The following FGGY variants were observed in gnomAD, a reference collection of about 807,000 sequenced individuals.
The protein encoded by FGGY is FGGY carbohydrate kinase domain-containing protein.
A neutral mutation model predicts 71.3 loss-of-function variants in FGGY; 72 were observed. That is an observed-to-expected ratio of 1.01 (90% CI 0.84 to 1.23). FGGY has a LOEUF of 1.23. Among genes scored for constraint, FGGY ranks in the 50% most tolerant of loss-of-function variants. The pLI is 0.00. For missense variants in FGGY, 668 were observed against 682.3 expected (o/e 0.98, Z 0.23); for synonymous variants, 251 against 250.3 (o/e 1.00, Z -0.02).
At chr1:59,751,353 A>G (rs2098243699) in intron 14 of FGGY, among the ~76,000 whole-genome samples, 1 of 152,218 alleles carries the variant, frequency 6.6e-6, no homozygotes, top group Admixed American at 6.5e-5. Flanking sequence ...GTCAACAGAC[A>G]CCACAGTGTT....
chr1:59,555,124 A>G (rs770010267), intron 8 of FGGY, among the ~76,000 whole-genome samples: 3 of 152,196 alleles, frequency 2.0e-5, no homozygotes, highest in Admixed American at 6.5e-5. Context: ...TTACTTATCA[A>G]TCCCTGCTCT....
intron 2 of FGGY, among the ~76,000 whole-genome samples, chr1:59,323,911 G>A (rs1215739682): frequency 6.6e-6 from 1 of 152,122 alleles, no homozygotes; most frequent in Non-Finnish European, 1.5e-5. Context: ...CAAAGTCTAC[G>A]GCGGGGGAGG....
At chr1:59,341,610 A>G (rs943840474) in intron 3 of FGGY, among the ~76,000 whole-genome samples, 3 of 151,780 alleles carry the variant, frequency 2.0e-5, no homozygotes, top group African/African-American at 7.3e-5. Flanking sequence ...ATAAATCAGG[A>G]CGGTTCTTTT....
intron 4 of FGGY, among the ~76,000 whole-genome samples, chr1:59,355,519 G>A (rs932828654): frequency 1.3e-5 from 2 of 151,718 alleles, no homozygotes; most frequent in Non-Finnish European, 2.9e-5. Flanking sequence ...TAACCTTTCT[G>A]GTTGACAACA....
chr1:59,712,831 A>T (rs1382013746), intron 14 of FGGY, among the ~76,000 whole-genome samples: 2 of 152,148 alleles, frequency 1.3e-5, no homozygotes, highest in Admixed American at 6.5e-5. Flanking sequence ...CATGCCCTAG[A>T]GACATTTTCC....
At chr1:59,473,800 C>T (rs1485268854) in intron 6 of FGGY, among the ~76,000 whole-genome samples, 1 of 152,188 alleles carries the variant, frequency 6.6e-6, no homozygotes, top group East Asian at 1.9e-4. Context: ...CAGTAAATAA[C>T]ACTTGAGGGC....
At chr1:59,428,432 A>G (rs977567453) in intron 5 of FGGY, among the ~76,000 whole-genome samples, 2 of 152,168 alleles carry the variant, frequency 1.3e-5, no homozygotes, top group Non-Finnish European at 2.9e-5. Flanking sequence ...GCCACCCTAT[A>G]CTACTTCCCA....
chr1:59,481,481 A>G (rs2153567161), intron 6 of FGGY, among the ~76,000 whole-genome samples: 1 of 152,254 alleles, frequency 6.6e-6, no homozygotes. Flanking sequence ...TTCTTCAGCA[A>G]ATACTCTTCT....
At chr1:59,535,920 G>A (rs1000815466) in intron 7 of FGGY, among the ~76,000 whole-genome samples, 2 of 147,572 alleles carry the variant, frequency 1.4e-5, no homozygotes, top group African/African-American at 5.3e-5. Flanking sequence ...ACAATTAAAA[G>A]AACTAGAAAA....
intron 7 of FGGY, among the ~76,000 whole-genome samples, chr1:59,538,402 T>C (rs867527841): frequency 3.3e-5 from 5 of 152,010 alleles, no homozygotes; most frequent in Non-Finnish European, 5.9e-5. Flanking sequence ...GGTGGGACTG[T>C]AAACTAGTTG....
At chr1:59,579,332 T>G (rs1438490101) in intron 8 of FGGY, among the ~76,000 whole-genome samples, 1 of 152,124 alleles carries the variant, frequency 6.6e-6, no homozygotes, top group African/African-American at 2.4e-5. Flanking sequence ...TCATTAAGAC[T>G]CAAAGCTTTA....
In FGGY at chr1:59,757,986, A is replaced by G; in HGVS notation, c.1568A>G (p.Asp523Gly). 3 of 1,612,212 alleles carry G rather than the reference A, an allele frequency of 1.9e-6. No homozygotes were observed. Among genetic ancestry groups the G allele is most frequent in the Non-Finnish European group, 2.5e-6 (3 of 1,178,680 alleles). ...AAAGTTGTGTTCCCGAGACTACAGG[A>G]TAAAAAGTAAGTGTGTATTTTTTAT... ...VGKVVFPRLQ[D>G]KKYYDKKYQV... The change falls in exon 15 of 16, where the codon GAT (aspartate) becomes GGT (glycine). Residue 523 changes from aspartate (D) to glycine (G), a missense_variant. Asp to Gly is a moderately conservative substitution (Grantham distance 94, BLOSUM62 -1). Around this residue, in one of 2 missense-constraint regions of FGGY, gnomAD observed 661 missense variants for 661.6 expected, o/e 1.00. Transcript: ENST00000303721.
At chr1:59,429,983 G>A (rs2067050406) in intron 5 of FGGY, among the ~76,000 whole-genome samples, 1 of 152,166 alleles carries the variant, frequency 6.6e-6, no homozygotes, top group Non-Finnish European at 1.5e-5. Context: ...GCTGAAGGGA[G>A]ATTTTTCCCT....
At chr1:59,526,093 T>C (rs2153656431) in intron 7 of FGGY, among the ~76,000 whole-genome samples, 1 of 152,348 alleles carries the variant, frequency 6.6e-6, no homozygotes, top group Middle Eastern at 3.4e-3. Context: ...GTGATGTGTT[T>C]ATGTGTATGT....
chr1:59,705,015 A>G (rs1251552752), intron 14 of FGGY, among the ~76,000 whole-genome samples: 1 of 152,170 alleles, frequency 6.6e-6, no homozygotes, highest in African/African-American at 2.4e-5. Context: ...TTTCCCCATT[A>G]CTAGTAAGAA....
At chr1:59,340,370 A>G (rs1364344929) in intron 3 of FGGY, among the ~76,000 whole-genome samples, 1 of 152,214 alleles carries the variant, frequency 6.6e-6, no homozygotes, top group Admixed American at 6.5e-5. Flanking sequence ...TGAAACACAC[A>G]GGTGGTTTTG....
chr1:59,548,490 G>A (rs188797630), intron 7 of FGGY, among the ~76,000 whole-genome samples: 1 of 152,140 alleles, frequency 6.6e-6, no homozygotes, highest in East Asian at 1.9e-4. Flanking sequence ...GAAGTTCTAA[G>A]GGGTCAAGGC....
At chr1:59,361,578 A>G (rs1328144110) in intron 4 of FGGY, among the ~76,000 whole-genome samples, 1 of 152,230 alleles carries the variant, frequency 6.6e-6, no homozygotes, top group Non-Finnish European at 1.5e-5. Context: ...TGAATCCGTC[A>G]AAAGTTCCTT....
chr1:59,324,756 C>T (rs1310919147), intron 2 of FGGY, among the ~76,000 whole-genome samples: 3 of 152,300 alleles, frequency 2.0e-5, no homozygotes, highest in African/African-American at 7.2e-5. Flanking sequence ...CCATATCTCC[C>T]TCCACATGAC....
Sources: gnomAD v4.1 joint callset for allele counts (sites outside exome capture counted in the v4.1 genomes callset) on GRCh38, gnomAD v4.1.1 for gene constraint, gnomAD v4.1.1 regional missense constraint, MANE v1.5 for transcripts, NCBI Gene and HGNC (gene_info 2026-07-23, HGNC 2026-07-21) for gene names.